ARSK: variants seen among roughly 807,000 people sequenced by gnomAD.
The protein encoded by ARSK is arylsulfatase family member K.
In ARSK, 37 loss-of-function variants were observed where a neutral mutation model predicts 53.2. That is an observed-to-expected ratio of 0.70 (90% CI 0.54 to 0.92). ARSK has a LOEUF of 0.92. Ranked by LOEUF, ARSK falls within the 40% of genes least tolerant of loss-of-function variation. The probability of loss-of-function intolerance (pLI) is 0.00; values close to 1 mark genes in which losing one functional copy is unlikely to be tolerated. For missense variants in ARSK, 613 were observed against 643.0 expected, an observed-to-expected ratio of 0.95 and a Z score of 0.51; for synonymous variants, 208 against 223.2, an observed-to-expected ratio of 0.93 and a Z score of 0.61.
chr5:95,579,682 C>A (rs904522398), intron 3 of ARSK, among the ~76,000 whole-genome samples: 16 of 152,154 alleles, frequency 1.1e-4, no homozygotes, highest in African/African-American at 3.9e-4. Context: ...TTGTGAATAT[C>A]TTTATCAGAA....
intron 4 of ARSK, among the ~76,000 whole-genome samples, chr5:95,585,041 A>G (rs912304730): frequency 1.3e-5 from 2 of 152,192 alleles, no homozygotes; most frequent in African/African-American, 4.8e-5. Context: ...GACAGTTCTC[A>G]AAAGAAGATA....
At chr5:95,594,421 A>T (rs1749268312) in intron 6 of ARSK, among the ~76,000 whole-genome samples, 1 of 152,244 alleles carries the variant, frequency 6.6e-6, no homozygotes, top group African/African-American at 2.4e-5. Flanking sequence ...GAAAATATAC[A>T]CAAATGGCCA....
At chr5:95,575,033 T>C (rs988413293) in intron 3 of ARSK, among the ~76,000 whole-genome samples, 1 of 152,162 alleles carries the variant, frequency 6.6e-6, no homozygotes, top group Non-Finnish European at 1.5e-5. Flanking sequence ...TGGTAAGAGA[T>C]AGAGATCTAG....
Position 95,555,148 on chromosome 5 carries a change from C to A in ARSK, c.-131C>A. On this transcript the variant is annotated 5_prime_UTR_variant, in exon 1 of 8. Coordinates refer to ENST00000380009, the MANE Select transcript of ARSK (RefSeq NM_198150.3). The surrounding 1 kb of genome is among the most constrained non-coding windows in gnomAD (Gnocchi z 4.0). ...GAGTTGTAGTTCTGCGGGTGAAGCT[C>A]GGCGTTACTATCAAGCAACCAAACT... The A allele has an allele frequency of 2.7e-6, 2 of 743,796 alleles. No homozygotes were observed. The highest frequency in any genetic ancestry group is 1.5e-5 in the South Asian group (1 of 64,608). 46.1% of individuals were successfully genotyped at this position (743,796 alleles called of 1,614,324 possible).
chr5:95,557,191 G>T (rs1748537810), intron 1 of ARSK: 1 of 152,068 alleles, frequency 6.6e-6, no homozygotes, highest in South Asian at 2.1e-4. Context: ...CTTTAACAGA[G>T]TTCCATGTCC....
chr5:95,556,097 A>G (rs548604033), intron 1 of ARSK: 3 of 646,510 alleles, frequency 4.6e-6, no homozygotes, highest in Non-Finnish European at 5.5e-6. Flanking sequence ...TATTAATTGT[A>G]ATATTAGTTT....
chr5:95,593,102 A>G (rs2112443619), intron 6 of ARSK, among the ~76,000 whole-genome samples: 1 of 152,246 alleles, frequency 6.6e-6, no homozygotes, highest in East Asian at 1.9e-4. Context: ...TTATGAATAT[A>G]TGCCTATATT....
intron 3 of ARSK, among the ~76,000 whole-genome samples, chr5:95,579,863 G>C (rs1258333378): frequency 6.6e-6 from 1 of 152,182 alleles, no homozygotes; most frequent in African/African-American, 2.4e-5. Flanking sequence ...CTCCATATCT[G>C]AGCTCCTACC....
At chr5:95,562,050 A>G (rs1021662255) in intron 1 of ARSK, among the ~76,000 whole-genome samples, 7 of 152,158 alleles carry the variant, frequency 4.6e-5, no homozygotes, top group Middle Eastern at 3.4e-3. Flanking sequence ...CCCCATCTCT[A>G]CTAAGAATAC....
intron 6 of ARSK, among the ~76,000 whole-genome samples, chr5:95,597,713 G>A (rs1749335271): frequency 6.6e-6 from 1 of 152,130 alleles, no homozygotes; most frequent in Non-Finnish European, 1.5e-5. Flanking sequence ...GGCCAACATG[G>A]TGAAACCCCG....
At position 95,602,936 on chromosome 5, in the gene ARSK, G is replaced by A. The variant is rs530793853; in HGVS notation, c.1322-301G>A. On this transcript the variant is annotated intron_variant, in intron 7 of 7. Transcript: ENST00000380009. ...CAAAGTAGGCAGGACATCAAAAACAGGAAGAACTTGTTCTAAACCAGCTTA... is the reference window on the plus strand; with the variant it reads ...CAAAGTAGGCAGGACATCAAAAACAAGAAGAACTTGTTCTAAACCAGCTTA... Among the ~76,000 whole-genome samples the A allele has an allele frequency of 1.2e-4, 18 of 152,232 alleles. No homozygotes were observed. In the South Asian group the frequency reaches 2.1e-3, roughly 18 times the overall value.
rs1749019725 is a variant in ARSK at position 95,581,468 on chromosome 5, G to A, written c.417-1448G>A. ...GTGGTTAGGTCAGTTAGCACAATCAGGACAATAGTCTAACCTGAGTTAATC... is the reference window on the plus strand; with the variant it reads ...GTGGTTAGGTCAGTTAGCACAATCAAGACAATAGTCTAACCTGAGTTAATC... On this transcript the variant is annotated intron_variant, in intron 3 of 7. Coordinates refer to ENST00000380009, the MANE Select transcript of ARSK (RefSeq NM_198150.3). 2.0e-5 allele frequency among the ~76,000 whole-genome samples: 3 copies of A among 152,138 alleles called. No homozygotes were observed. In the South Asian group the frequency reaches 6.2e-4, roughly 32 times the overall value.
intron 1 of ARSK, among the ~76,000 whole-genome samples, chr5:95,565,134 T>A (rs1748704933): frequency 6.6e-6 from 1 of 152,216 alleles, no homozygotes; most frequent in South Asian, 2.1e-4. Flanking sequence ...GACTGGAACA[T>A]TCTTTTTTCT....
chr5:95,603,375 A>T lies in ARSK; in HGVS notation c.1460A>T (p.Gln487Leu). 1 of 1,613,754 alleles carries T rather than the reference A, an allele frequency of 6.2e-7. No homozygotes were observed. Among genetic ancestry groups the T allele is most frequent in the Non-Finnish European group, 8.5e-7 (1 of 1,179,818 alleles). Residue 487 changes from glutamine to leucine, a missense_variant, in exon 8 of 8, where the codon CAG (glutamine) becomes CTG (leucine). Transcript: ENST00000380009. ...SASVHQYNKEQFIKWKQSIGQ... is the reference protein window; with the variant it reads ...SASVHQYNKELFIKWKQSIGQ... ...TCTGTCCACCAGTATAATAAAGAGC[A>T]GTTTATCAAGTGGAAACAAAGTATA...
At position 95,591,384 on chromosome 5, in the gene ARSK, C is replaced by A; in HGVS notation, c.872-17C>A. The stretch of plus-strand genomic sequence containing the variant: ...GAACTGAAAGTTTTAATCGGTTTAT[C>A]ATGATTTCTATTGTAGGTGAAATTA... On this transcript the variant is annotated splice_polypyrimidine_tract_variant and intron_variant, in intron 5 of 7. Coordinates refer to ENST00000380009, the MANE Select transcript of ARSK (RefSeq NM_198150.3). The A allele has an allele frequency of 1.3e-6, 2 of 1,580,762 alleles. No individual in the cohort carries two copies. Among genetic ancestry groups the A allele is most frequent in the South Asian group, 1.1e-5 (1 of 90,352 alleles).
intron 1 of ARSK, among the ~76,000 whole-genome samples, chr5:95,560,358 T>C (rs1216901645): frequency 6.6e-6 from 1 of 151,740 alleles, no homozygotes; most frequent in African/African-American, 2.4e-5. Context: ...CATATGGTAA[T>C]TCAAGGGACC....
At chr5:95,587,780 C>T (rs575822021) in intron 5 of ARSK, among the ~76,000 whole-genome samples, 21 of 152,066 alleles carry the variant, frequency 1.4e-4, no homozygotes, top group African/African-American at 4.1e-4. Flanking sequence ...GTGGCACGCA[C>T]GTGTGATCCC....
intron 3 of ARSK, chr5:95,580,836 A>G (rs954329303): frequency 5.8e-6 from 6 of 1,027,430 alleles, no homozygotes; most frequent in African/African-American, 1.7e-5. Flanking sequence ...ATCACTTTAT[A>G]CTCATGTTCT....
chr5:95,596,534 G>A (rs2112446859), intron 6 of ARSK, among the ~76,000 whole-genome samples: 1 of 152,034 alleles, frequency 6.6e-6, no homozygotes. Flanking sequence ...TGAGTCTTCT[G>A]GAAACTAAAA....
Sources: allele counts gnomAD v4.1 joint callset (sites outside exome capture counted in the v4.1 genomes callset), GRCh38; gene constraint gnomAD v4.1.1; non-coding constraint Gnocchi (gnomAD v3.1); transcripts MANE v1.5; gene names NCBI Gene and HGNC (gene_info 2026-07-23, HGNC 2026-07-21).